Variants in CDC14A observed in about 807,000 individuals in gnomAD.
CDC14A encodes cell division cycle 14A, also known as dual specificity protein phosphatase CDC14A.
Under a neutral mutation model 74.4 loss-of-function variants are expected in CDC14A, and 53 were observed. The ratio of observed to expected loss-of-function variants is 0.71; its 90% CI spans 0.57 to 0.89. The LOEUF is 0.89. CDC14A is among the 40% of genes least tolerant of loss of function. The pLI is 0.00. For missense variants in CDC14A, 646 were observed against 713.7 expected, an observed-to-expected ratio of 0.91 and a Z score of 1.08; for synonymous variants, 247 against 258.4, an observed-to-expected ratio of 0.96 and a Z score of 0.43.
At chr1:100,351,152 CCACCG>C (rs1411898683), upstream of CDC14A, among the ~76,000 whole-genome samples, 2 of 152,042 alleles carry the variant, frequency 1.3e-5, no homozygotes, top group East Asian at 1.9e-4. Flanking sequence ...AGAGATTGAG[CCACCG>C]CACTCCGGCC....
In CDC14A at chr1:100,395,802, A is replaced by G. The variant is rs148470519; in HGVS notation, c.309+4978A>G. 3.9e-3 allele frequency among the ~76,000 whole-genome samples: 592 copies of G among 152,224 alleles called. 5 individuals are homozygous for G. The highest frequency in any genetic ancestry group is 0.013 in the African/African-American group (560 of 41,532). The stretch of plus-strand genomic sequence containing the variant: ...TCTACCTCTGTGGTCTCCTTGCTCA[A>G]GTTGCTCCCCTCATGCTGGACTTCT... On this transcript the variant is annotated intron_variant, in intron 4 of 15. Coordinates refer to ENST00000336454, the MANE Select transcript of CDC14A (RefSeq NM_003672.4).
intron 2 of CDC14A, among the ~76,000 whole-genome samples, chr1:100,367,917 T>G (rs1653887271): frequency 6.6e-6 from 1 of 152,224 alleles, no homozygotes; most frequent in African/African-American, 2.4e-5. Context: ...ACAGCCTGTC[T>G]TTTTGAGAGA....
intron 2 of CDC14A, among the ~76,000 whole-genome samples, chr1:100,377,036 GTTT>G (rs60831530): frequency 7.2e-6 from 1 of 138,254 alleles, no homozygotes; most frequent in Non-Finnish European, 1.6e-5. Context: ...AATTAGTTCT[GTTT>G]TTTTTTTTTT....
intron 5 of CDC14A, among the ~76,000 whole-genome samples, chr1:100,435,989 T>G (rs1664283874): frequency 6.6e-6 from 1 of 152,168 alleles, no homozygotes; most frequent in South Asian, 2.1e-4. Flanking sequence ...ATGTTTAAAT[T>G]CTGTTGGAAA....
At chr1:100,484,730 G>A in intron 11 of CDC14A, 1 of 1,030,916 alleles carries the variant, frequency 9.7e-7, no homozygotes, top group South Asian at 4.6e-5. Flanking sequence ...CTTTCTATTT[G>A]AAAATTAAAA....
intron 4 of CDC14A, among the ~76,000 whole-genome samples, chr1:100,397,601 G>T (rs1382233920): frequency 6.6e-6 from 1 of 152,152 alleles, no homozygotes. Context: ...CGTGACTGAA[G>T]AATTGGAAAA....
chr1:100,512,803 G>A (rs917355431), intron 15 of CDC14A, among the ~76,000 whole-genome samples: 7 of 152,246 alleles, frequency 4.6e-5, no homozygotes, highest in South Asian at 2.1e-4. Flanking sequence ...CACACCTTTC[G>A]AACCTGATTT....
chr1:100,359,812 C>T (rs1198709542), intron 2 of CDC14A, among the ~76,000 whole-genome samples: 2 of 150,754 alleles, frequency 1.3e-5, no homozygotes, highest in African/African-American at 4.9e-5. Context: ...AAGGTATTCT[C>T]CAAAAAAAAC....
chr1:100,465,440 T>G (rs926152454), intron 9 of CDC14A, among the ~76,000 whole-genome samples: 1 of 152,236 alleles, frequency 6.6e-6, no homozygotes, highest in African/African-American at 2.4e-5. Flanking sequence ...TAATTACAGC[T>G]GTATTGCTTT....
intron 15 of CDC14A, 118 bp from the exon 16 acceptor site, chr1:100,518,133 G>A: frequency 1.5e-6 from 1 of 670,724 alleles, no homozygotes; most frequent in African/African-American, 1.8e-5. Context: ...TTCTGTTTTG[G>A]CTTAGTTTAT....
chr1:100,358,452 T>C (rs1251772260), intron 2 of CDC14A, among the ~76,000 whole-genome samples: 1 of 152,208 alleles, frequency 6.6e-6, no homozygotes, highest in Non-Finnish European at 1.5e-5. Flanking sequence ...GGAAGGATAG[T>C]GTATAGGGTC....
intron 8 of CDC14A, among the ~76,000 whole-genome samples, chr1:100,459,644 G>C (rs555680294): frequency 6.6e-6 from 1 of 152,244 alleles, no homozygotes; most frequent in East Asian, 1.9e-4. Flanking sequence ...CTCTGATACC[G>C]TGTTCATGTG....
At chr1:100,438,529 A>G (rs1224483626) in intron 5 of CDC14A, among the ~76,000 whole-genome samples, 2 of 152,160 alleles carry the variant, frequency 1.3e-5, no homozygotes, top group South Asian at 2.1e-4. Flanking sequence ...TATAGTTTAC[A>G]TTTTTACAAG....
chr1:100,352,513 G>T lies in CDC14A; in HGVS notation c.-442G>T. ...TGGCGAAGGAGGATCCGGAGCAGCTGCTGCCAGCCCGCGGGCACTGAAGTC... is the reference window on the plus strand; with the variant it reads ...TGGCGAAGGAGGATCCGGAGCAGCTTCTGCCAGCCCGCGGGCACTGAAGTC... On this transcript the variant is annotated 5_prime_UTR_variant, in exon 1 of 16. Transcript: ENST00000336454. 9.7e-7 allele frequency: 1 copy of T among 1,032,878 alleles called. No individual in the cohort carries two copies. Among genetic ancestry groups the T allele is most frequent in the Non-Finnish European group, 1.2e-6 (1 of 860,876 alleles). 64.0% of individuals were successfully genotyped at this position (1,032,878 alleles called of 1,614,324 possible).
chr1:100,353,043 C>T, intron 1 of CDC14A, 40 bp downstream of exon 1: 2 of 1,604,446 alleles, frequency 1.2e-6, no homozygotes, highest in Non-Finnish European at 1.7e-6. Context: ...CGCTTTCTTG[C>T]CCCCAACTCT....
chr1:100,352,652 G>C lies in CDC14A; in HGVS notation c.-303G>C. 7.9e-7 allele frequency: 1 copy of C among 1,263,234 alleles called. No individual in the cohort carries two copies. The highest frequency in any genetic ancestry group is 1.0e-6 in the Non-Finnish European group (1 of 1,002,758). 78.3% of individuals were successfully genotyped at this position (1,263,234 alleles called of 1,614,324 possible). On this transcript the variant is annotated 5_prime_UTR_variant, in exon 1 of 16. Coordinates refer to ENST00000336454, the MANE Select transcript of CDC14A (RefSeq NM_003672.4). ...TGCCCTGCCCTGAGAGCTGGTCTGC[G>C]TTTCCCAGGCGCGGCGGCGGCGGAG...
intron 15 of CDC14A, among the ~76,000 whole-genome samples, chr1:100,501,135 T>A (rs1359744739): frequency 6.6e-6 from 1 of 152,144 alleles, no homozygotes; most frequent in Non-Finnish European, 1.5e-5. Context: ...ATAGGTATCA[T>A]AAAAACTTAA....
chr1:100,351,624 C>T (rs1651013816), upstream of CDC14A: 3 of 770,086 alleles, frequency 3.9e-6, no homozygotes, highest in South Asian at 3.4e-5. Context: ...CTCTCCTGTT[C>T]CCTCCGCGCC....
rs141014623 is a variant in CDC14A at position 100,424,128 on chromosome 1, C to T, written c.310-94C>T. The T allele has an allele frequency of 3.1e-4, 266 of 859,630 alleles. No homozygotes were observed. In the African/African-American group the frequency reaches 3.6e-3, roughly 12 times the overall value. 53.3% of individuals were successfully genotyped at this position (859,630 alleles called of 1,614,324 possible). On this transcript the variant is annotated intron_variant, in intron 4 of 15. Coordinates refer to ENST00000336454, the MANE Select transcript of CDC14A (RefSeq NM_003672.4). ...TCAACACTATCACCGTAACAGCTGTCACTCAAAGTGGAGGAAGTGAAATGC... is the reference window on the plus strand; with the variant it reads ...TCAACACTATCACCGTAACAGCTGTTACTCAAAGTGGAGGAAGTGAAATGC...
Sources: gnomAD v4.1 joint callset for allele counts (sites outside exome capture counted in the v4.1 genomes callset) on GRCh38, gnomAD v4.1.1 for gene constraint, MANE v1.5 for transcripts, NCBI Gene and HGNC (gene_info 2026-07-23, HGNC 2026-07-21) for gene names.